Variants in OXNAD1 observed in about 807,000 individuals in gnomAD.
The protein encoded by OXNAD1 is oxidoreductase NAD-binding domain-containing protein 1.
In OXNAD1, 34 loss-of-function variants were observed where a neutral mutation model predicts 32.9. The observed-to-expected ratio is 1.03, with a 90% CI of 0.79 to 1.38. The LOEUF (loss-of-function observed/expected upper bound fraction) is 1.38. Ranked by LOEUF, OXNAD1 falls within the 40% of genes most tolerant of loss-of-function variation. The probability of loss-of-function intolerance (pLI) is 0.00; values close to 1 mark genes in which losing one functional copy is unlikely to be tolerated. For synonymous variants in OXNAD1, 134 were observed against 135.2 expected (o/e 0.99, Z 0.06); for missense variants, 407 against 379.4 (o/e 1.07, Z -0.60).
In OXNAD1 at chr3:16,348,122, C is replaced by T. The variant is rs1370253602; in HGVS notation, c.*31-1054C>T. 6.6e-6 allele frequency: 1 copy of T among 150,886 alleles called. No individual in the cohort carries two copies. Among genetic ancestry groups the T allele is most frequent in the Non-Finnish European group, 1.5e-5 (1 of 68,024 alleles). 9.3% of individuals were successfully genotyped at this position (150,886 alleles called of 1,614,324 possible). ...CCTCTGTCATCGACGAGGACCACCT[C>T]GGAGCACTTGTGGCTCTTGTTGCTT... On this transcript the variant is annotated intron_variant, in intron 9 of 9. Transcript: ENST00000606098. The surrounding 1 kb of genome is among the most constrained non-coding windows in gnomAD (Gnocchi z 6.3).
intron 4 of OXNAD1, among the ~76,000 whole-genome samples, chr3:16,272,647 CTTTTTTT>C (rs35628992): frequency 2.7e-5 from 3 of 112,758 alleles, no homozygotes; most frequent in Non-Finnish European, 3.7e-5. Flanking sequence ...GCTTAAAGTT[CTTTTTTT>C]TTTTTTTTTT....
downstream of OXNAD1, among the ~76,000 whole-genome samples, chr3:16,310,592 T>G (rs1054736029): frequency 2.0e-5 from 3 of 152,254 alleles, no homozygotes; most frequent in South Asian, 2.1e-4. Context: ...TGAATGAATA[T>G]CTCTACTCTT....
intron 6 of OXNAD1, among the ~76,000 whole-genome samples, chr3:16,295,856 A>G (rs1376578960): frequency 6.6e-6 from 1 of 152,214 alleles, no homozygotes; most frequent in Non-Finnish European, 1.5e-5. Flanking sequence ...AATGAAGGAA[A>G]AAGAAAACAA....
In OXNAD1 at chr3:16,297,450, A is replaced by G. The variant is rs9683136; in HGVS notation, c.432+2453A>G. Among the ~76,000 whole-genome samples, 4,808 of 152,342 alleles carry G rather than the reference A, an allele frequency of 0.032. 103 individuals are homozygous for G. The highest frequency in any genetic ancestry group is 0.082 in the Middle Eastern group (24 of 294). On this transcript the variant is annotated intron_variant, in intron 6 of 8. Transcript: ENST00000285083. This position sits in a 1 kb window ranked among gnomAD's most constrained non-coding sequence, Gnocchi z 4.3. The stretch of plus-strand genomic sequence containing the variant: ...CTGGAAAGCATTTTAGCAGTTTTCT[A>G]TAAAGTTAAACATACACCTAACATA...
intron 4 of OXNAD1, among the ~76,000 whole-genome samples, chr3:16,273,180 T>C (rs1326425518): frequency 2.0e-5 from 3 of 152,038 alleles, no homozygotes; most frequent in African/African-American, 7.2e-5. Context: ...AAGTGAAATA[T>C]AAGCAAAAAA....
In OXNAD1 at chr3:16,299,884, C is replaced by T. The variant is rs142737816; in HGVS notation, c.433-1742C>T. On this transcript the variant is annotated intron_variant, in intron 6 of 8. Coordinates refer to ENST00000285083, the MANE Select transcript of OXNAD1 (RefSeq NM_138381.5). This position sits in a 1 kb window ranked among gnomAD's most constrained non-coding sequence, Gnocchi z 4.4. ...ATTGCCAGCACTTTTTCTTTTGTGA[C>T]AGCTGCAATGACCAAAATTCCTTCT... Among the ~76,000 whole-genome samples the T allele has an allele frequency of 6.6e-6, 1 of 152,308 alleles. No homozygotes were observed. The highest frequency in any genetic ancestry group is 2.4e-5 in the African/African-American group (1 of 41,564).
intron 4 of OXNAD1, among the ~76,000 whole-genome samples, chr3:16,282,381 A>G (rs892341392): frequency 6.7e-6 from 1 of 149,858 alleles, no homozygotes; most frequent in Non-Finnish European, 1.5e-5. Context: ...AAAAAAAAAA[A>G]AGTGCTCCTG....
chr3:16,300,881 A>C (rs553746947), intron 6 of OXNAD1, among the ~76,000 whole-genome samples: 1 of 152,178 alleles, frequency 6.6e-6, no homozygotes, highest in Non-Finnish European at 1.5e-5. Flanking sequence ...CATTGTGACA[A>C]TAAAAAATGT....
At chr3:16,282,464 ATACT>A (rs2065814032) in intron 4 of OXNAD1, among the ~76,000 whole-genome samples, 2 of 152,108 alleles carry the variant, frequency 1.3e-5, no homozygotes, top group Admixed American at 6.5e-5. Flanking sequence ...CATTCTGCAA[ATACT>A]TACTGAGCCT....
At chr3:16,343,204 C>A (rs977681476) in intron 9 of OXNAD1, among the ~76,000 whole-genome samples, 2 of 152,130 alleles carry the variant, frequency 1.3e-5, no homozygotes, top group Non-Finnish European at 2.9e-5. Context: ...GGAACCACTG[C>A]GCTAGTCCTT....
chr3:16,273,239 G>A (rs987363560), intron 4 of OXNAD1, among the ~76,000 whole-genome samples: 11 of 152,116 alleles, frequency 7.2e-5, no homozygotes, highest in Non-Finnish European at 1.0e-4. Context: ...ACTGTTTAGC[G>A]TCAACTGATA....
downstream of OXNAD1, among the ~76,000 whole-genome samples, chr3:16,338,179 G>A (rs1467542261): frequency 4.6e-5 from 7 of 152,240 alleles, no homozygotes; most frequent in Admixed American, 2.0e-4. The surrounding 1 kb of genome is among the most constrained non-coding windows in gnomAD (Gnocchi z 5.3). Context: ...GCAGAAAGAA[G>A]AAAGGGGCTA....
Position 16,334,902 on chromosome 3 carries a change from C to CA in OXNAD1, c.*31-2209dup. Among the ~76,000 whole-genome samples, 1 of 152,240 alleles carries CA rather than the reference C, an allele frequency of 6.6e-6. No homozygotes were observed. The highest frequency in any genetic ancestry group is 2.1e-4 in the South Asian group (1 of 4,822). ...TAAGGACAGGCAGGAAGGCCAGAGT[C>CA]AGAGGAAGAGATGTGATGGCAGCAG... On this transcript the variant is annotated intron_variant, in intron 9 of 9. Transcript: ENST00000435829. This position sits in a 1 kb window ranked among gnomAD's most constrained non-coding sequence, Gnocchi z 4.3.
intron 5 of OXNAD1, among the ~76,000 whole-genome samples, chr3:16,293,726 A>C (rs2066576259): frequency 6.7e-6 from 1 of 149,442 alleles, no homozygotes; most frequent in Admixed American, 6.6e-5. Context: ...TAGACATCCT[A>C]ATCTTGTTTC....
rs2069808911 is a variant in OXNAD1, at chr3:16,327,340, A to G, written c.*31-9772A>G. Among the ~76,000 whole-genome samples the G allele has an allele frequency of 6.6e-6, 1 of 152,122 alleles. No individual in the cohort carries two copies. The highest frequency in any genetic ancestry group is 1.5e-5 in the Non-Finnish European group (1 of 68,004). ...CAGCAACACACACATGCACATCCACATGTGTGTGTACACGCAGAAGCTGCT... is the reference window on the plus strand; with the variant it reads ...CAGCAACACACACATGCACATCCACGTGTGTGTGTACACGCAGAAGCTGCT... On this transcript the variant is annotated intron_variant, in intron 9 of 9. Transcript: ENST00000435829. The surrounding 1 kb of genome is among the most constrained non-coding windows in gnomAD (Gnocchi z 4.2).
intron 9 of OXNAD1, among the ~76,000 whole-genome samples, chr3:16,323,846 C>T (rs556917883): frequency 2.6e-5 from 4 of 152,186 alleles, no homozygotes; most frequent in Non-Finnish European, 5.9e-5. Context: ...GTGATGAGCT[C>T]AGCCCTCCAG....
intron 4 of OXNAD1, among the ~76,000 whole-genome samples, chr3:16,273,389 T>TTG (rs895393133): frequency 6.8e-6 from 1 of 148,120 alleles, no homozygotes; most frequent in Non-Finnish European, 1.5e-5. Context: ...TTCTTGTTTT[T>TTG]TTTTTTTTTT....
intron 9 of OXNAD1, among the ~76,000 whole-genome samples, chr3:16,328,307 GC>G (rs1381967867): frequency 6.6e-6 from 1 of 152,204 alleles, no homozygotes; most frequent in Non-Finnish European, 1.5e-5. Context: ...CAGAGGCAGC[GC>G]GCGTGACCAT....
At chr3:16,310,521 C>T (rs898648694), downstream of OXNAD1, among the ~76,000 whole-genome samples, 2 of 152,088 alleles carry the variant, frequency 1.3e-5, no homozygotes, top group South Asian at 4.1e-4. Context: ...CAAGTTTTAC[C>T]ACATTAAAGG....
Sources: allele counts gnomAD v4.1 joint callset (sites outside exome capture counted in the v4.1 genomes callset), GRCh38; gene constraint gnomAD v4.1.1; non-coding constraint Gnocchi (gnomAD v3.1); transcripts MANE v1.5; gene names NCBI Gene and HGNC (gene_info 2026-07-23, HGNC 2026-07-21).